CDH13: variants seen among roughly 807,000 people sequenced by gnomAD.
The protein encoded by CDH13 is cadherin 13, also known as cadherin-13.
A neutral mutation model predicts 63.8 loss-of-function variants in CDH13; 24 were observed. The ratio of observed to expected loss-of-function variants is 0.38; its 90% confidence interval spans 0.27 to 0.53. The LOEUF (loss-of-function observed/expected upper bound fraction) is 0.53. CDH13 is among the 20% of genes least tolerant of loss of function. The pLI, the probability that CDH13 is intolerant of heterozygous loss-of-function variation, is 0.85. For synonymous variants in CDH13, 503 were observed against 355.3 expected, an observed-to-expected ratio of 1.42 and a Z score of -4.67; for missense variants, 1,049 against 903.1, an observed-to-expected ratio of 1.16 and a Z score of -2.07.
chr16:83,737,744 A>T (rs4782838), intron 10 of CDH13, among the ~76,000 whole-genome samples: 34,077 of 152,072 alleles, frequency 0.22, 4,207 homozygotes, highest in East Asian at 0.55. Context: ...TCTGATACAC[A>T]CCCAAATTGG....
chr16:82,636,691 C>A (rs1351960396), intron 1 of CDH13, among the ~76,000 whole-genome samples: 1 of 152,142 alleles, frequency 6.6e-6, no homozygotes, highest in Admixed American at 6.5e-5. Flanking sequence ...AACTGGGTGC[C>A]AGGCAGTGGT....
At chr16:83,458,147 G>A (rs1034512488) in intron 6 of CDH13, among the ~76,000 whole-genome samples, 19 of 152,192 alleles carry the variant, frequency 1.2e-4, no homozygotes, top group Admixed American at 3.9e-4. Flanking sequence ...CTGCTGGGAC[G>A]TCTCTGTCTT....
At chr16:83,412,630 G>C (rs990572031) in intron 6 of CDH13, among the ~76,000 whole-genome samples, 1 of 152,310 alleles carries the variant, frequency 6.6e-6, no homozygotes, top group South Asian at 2.1e-4. Context: ...TCTCAGCGGG[G>C]AGAAGGTGGG....
At chr16:82,773,472 C>T (rs2035353458) in intron 1 of CDH13, 2 of 152,226 alleles carry the variant, frequency 1.3e-5, no homozygotes, top group Non-Finnish European at 2.9e-5. Context: ...GTGGACTTGT[C>T]CCTGTGACAC....
intron 5 of CDH13, among the ~76,000 whole-genome samples, chr16:83,250,101 G>A (rs1905348095): frequency 1.3e-5 from 2 of 152,056 alleles, no homozygotes; most frequent in African/African-American, 4.8e-5. Context: ...ATACCCATGG[G>A]TGTCAGAGCA....
intron 4 of CDH13, chr16:83,171,693 C>T (rs745759126): frequency 8.4e-5 from 64 of 761,826 alleles, no homozygotes; most frequent in South Asian, 5.8e-4. Flanking sequence ...TTGGCAGGCA[C>T]GCCTCTCCCA....
chr16:82,729,945 G>C (rs1474903814), intron 1 of CDH13, among the ~76,000 whole-genome samples: 2 of 152,142 alleles, frequency 1.3e-5, no homozygotes, highest in African/African-American at 4.8e-5. Context: ...TAAACCTCAT[G>C]AACCAAACTC....
intron 1 of CDH13, among the ~76,000 whole-genome samples, chr16:82,721,112 C>T (rs557625331): frequency 8.5e-5 from 13 of 152,296 alleles, no homozygotes; most frequent in African/African-American, 3.1e-4. Flanking sequence ...TATTCAATGA[C>T]CAGTCATTCC....
At chr16:83,075,325 T>C (rs2032755874) in intron 3 of CDH13, among the ~76,000 whole-genome samples, 1 of 152,232 alleles carries the variant, frequency 6.6e-6, no homozygotes. Flanking sequence ...CCCGTGAAGA[T>C]GAACTTGTGA....
intron 1 of CDH13, among the ~76,000 whole-genome samples, chr16:82,716,511 A>G (rs1232441883): frequency 5.3e-5 from 8 of 151,088 alleles, no homozygotes; most frequent in Admixed American, 4.6e-4. Context: ...AAACAGTTGT[A>G]AAAGTTGGGG....
chr16:83,782,702 C>T (rs1334280944), intron 12 of CDH13, among the ~76,000 whole-genome samples: 3 of 149,912 alleles, frequency 2.0e-5, no homozygotes, highest in Non-Finnish European at 1.5e-5. Flanking sequence ...CACCACTGCA[C>T]TCCAGGCTGG....
chr16:83,441,523 G>A (rs2072479740), intron 6 of CDH13, among the ~76,000 whole-genome samples: 1 of 152,230 alleles, frequency 6.6e-6, no homozygotes, highest in South Asian at 2.1e-4. Context: ...TGTTTAAAAA[G>A]GAACATTAAC....
chr16:82,920,931 C>A (rs779558471), intron 2 of CDH13, among the ~76,000 whole-genome samples: 1 of 152,138 alleles, frequency 6.6e-6, no homozygotes, highest in South Asian at 2.1e-4. Context: ...TGTTAAAAAT[C>A]TTTTATCATG....
At chr16:82,772,993 G>A (rs1032384700) in intron 1 of CDH13, among the ~76,000 whole-genome samples, 7 of 152,166 alleles carry the variant, frequency 4.6e-5, no homozygotes, top group African/African-American at 1.7e-4. Flanking sequence ...AAAAAACCAT[G>A]TAGAGAGCGC....
intron 5 of CDH13, among the ~76,000 whole-genome samples, chr16:83,267,580 G>T (rs2088663327): frequency 6.6e-6 from 1 of 152,172 alleles, no homozygotes; most frequent in Non-Finnish European, 1.5e-5. Flanking sequence ...GATGAATGCT[G>T]TTATCTCAGG....
intron 5 of CDH13, among the ~76,000 whole-genome samples, chr16:83,218,862 T>C (rs957842699): frequency 6.6e-6 from 1 of 152,122 alleles, no homozygotes; most frequent in Non-Finnish European, 1.5e-5. Flanking sequence ...GTTCTCGTGA[T>C]AGTGAATAAG....
chr16:82,823,966 A>C (rs1347330360), intron 1 of CDH13: 1 of 152,200 alleles, frequency 6.6e-6, no homozygotes, highest in Non-Finnish European at 1.5e-5. Flanking sequence ...GATTATGGTC[A>C]CTAGTGATCA....
intron 10 of CDH13, among the ~76,000 whole-genome samples, chr16:83,694,821 G>C (rs1205003444): frequency 6.6e-6 from 1 of 152,196 alleles, no homozygotes; most frequent in African/African-American, 2.4e-5. Flanking sequence ...AGTCAAGCCA[G>C]GCCCTCATCT....
intron 6 of CDH13, among the ~76,000 whole-genome samples, chr16:83,450,848 A>C (rs1467761037): frequency 6.6e-6 from 1 of 152,238 alleles, no homozygotes; most frequent in East Asian, 1.9e-4. Context: ...CCAGCCTGGG[A>C]GACAGAGCAA....
Sources: gnomAD v4.1 joint callset for allele counts (sites outside exome capture counted in the v4.1 genomes callset) on GRCh38, gnomAD v4.1.1 for gene constraint, MANE v1.5 for transcripts, NCBI Gene and HGNC (gene_info 2026-07-23, HGNC 2026-07-21) for gene names.